CSMD1: variants seen among roughly 807,000 people sequenced by gnomAD.
CSMD1 encodes the protein CUB and Sushi multiple domains 1.
Under a neutral mutation model 417.5 loss-of-function variants are expected in CSMD1, and 213 were observed. The ratio of observed to expected loss-of-function variants is 0.51; its 90% CI spans 0.46 to 0.57. CSMD1 has a LOEUF of 0.57. CSMD1 is among the 20% of genes least tolerant of loss of function. CSMD1 has a pLI of 0.00. For missense variants in CSMD1, 6,923 were observed against 4,529.7 expected (o/e 1.53, Z -15.17); for synonymous variants, 2,862 against 1,736.8 (o/e 1.65, Z -16.11).
intron 5 of CSMD1, among the ~76,000 whole-genome samples, chr8:3,790,392 G>A (rs1799670731): frequency 6.6e-6 from 1 of 152,142 alleles, no homozygotes; most frequent in African/African-American, 2.4e-5. Flanking sequence ...TGATGGTGAT[G>A]TTTGACAGTT....
At chr8:4,160,467 C>A (rs1422682350) in intron 3 of CSMD1, among the ~76,000 whole-genome samples, 1 of 152,132 alleles carries the variant, frequency 6.6e-6, no homozygotes, top group East Asian at 1.9e-4. Flanking sequence ...AAGTGTTGGT[C>A]ATGTGTCTTC....
intron 5 of CSMD1, among the ~76,000 whole-genome samples, chr8:3,940,438 A>G (rs1352594168): frequency 6.6e-6 from 1 of 152,068 alleles, no homozygotes; most frequent in African/African-American, 2.4e-5. Flanking sequence ...GTAAAGAAGT[A>G]AAACATAAGC....
At chr8:4,833,662 G>T (rs556409673) in intron 1 of CSMD1, among the ~76,000 whole-genome samples, 1 of 152,330 alleles carries the variant, frequency 6.6e-6, no homozygotes, top group East Asian at 1.9e-4. Context: ...ACACTACGTA[G>T]AGTGTTGCCT....
At chr8:4,275,092 C>G (rs1042178129) in intron 3 of CSMD1, among the ~76,000 whole-genome samples, 9 of 152,100 alleles carry the variant, frequency 5.9e-5, no homozygotes, top group East Asian at 1.9e-4. Context: ...ATAAGAAAAA[C>G]AAATGAAAGC....
intron 5 of CSMD1, among the ~76,000 whole-genome samples, chr8:3,828,464 G>A (rs1004772051): frequency 2.6e-5 from 4 of 152,158 alleles, no homozygotes; most frequent in Non-Finnish European, 4.4e-5. Flanking sequence ...AAAAACCCAT[G>A]TGAATACAGA....
intron 3 of CSMD1, among the ~76,000 whole-genome samples, chr8:4,364,309 C>A (rs1441430503): frequency 1.3e-5 from 2 of 152,156 alleles, no homozygotes; most frequent in Non-Finnish European, 1.5e-5. Flanking sequence ...TTAAGGTCCT[C>A]TTGATAAGAC....
intron 1 of CSMD1, among the ~76,000 whole-genome samples, chr8:4,962,474 GCT>G (rs1309701482): frequency 1.3e-5 from 2 of 152,080 alleles, no homozygotes; most frequent in African/African-American, 4.8e-5. Flanking sequence ...GCCATCTAAA[GCT>G]CTGAGATTCC....
intron 2 of CSMD1, among the ~76,000 whole-genome samples, chr8:4,534,983 G>C (rs765366909): frequency 3.9e-5 from 6 of 151,930 alleles, no homozygotes; most frequent in Non-Finnish European, 7.4e-5. Context: ...GGATGGTCTC[G>C]ATTTCCTGAC....
At chr8:4,046,663 C>T (rs913179597) in intron 3 of CSMD1, among the ~76,000 whole-genome samples, 4 of 152,092 alleles carry the variant, frequency 2.6e-5, no homozygotes, top group Admixed American at 6.6e-5. Flanking sequence ...AGGATATACA[C>T]TGGGAATGTT....
At position 4,872,162 on chromosome 8, in the gene CSMD1, A is replaced by C. The variant is rs577541712; in HGVS notation, c.85+122170T>G. The stretch of plus-strand genomic sequence containing the variant: ...TATTGAATATGTAGCAAATGAATGC[A>C]AACTAAGGCACTCTGTGTTAGCCTG... On this transcript the variant is annotated intron_variant, in intron 1 of 69. Coordinates refer to ENST00000635120, the MANE Select transcript of CSMD1 (RefSeq NM_033225.6). Among the ~76,000 whole-genome samples the C allele has an allele frequency of 8.5e-5, 13 of 152,274 alleles. No homozygotes were observed. The East Asian group carries it at 2.5e-3, about 29-fold the overall frequency.
chr8:3,262,154 C>T (rs1028364497), intron 26 of CSMD1, among the ~76,000 whole-genome samples: 1 of 128,930 alleles, frequency 7.8e-6, no homozygotes, highest in Non-Finnish European at 1.6e-5. Flanking sequence ...TGAATGCAAA[C>T]CATTTTATTT....
chr8:4,525,614 G>T (rs1023275326), intron 2 of CSMD1, among the ~76,000 whole-genome samples: 6 of 152,062 alleles, frequency 3.9e-5, no homozygotes, highest in African/African-American at 1.4e-4. Context: ...TGAATTTGGT[G>T]CAAAAGTAAT....
intron 13 of CSMD1, 98 bp from the exon 14 acceptor site, chr8:3,408,323 C>T (rs11775235): frequency 0.51 from 401,440 of 794,468 alleles, 105,353 homozygotes; most frequent in Middle Eastern, 0.58. Context: ...CAATTCATGC[C>T]TGCAAATAGC....
At chr8:4,247,776 G>C (rs983941253) in intron 3 of CSMD1, among the ~76,000 whole-genome samples, 3 of 152,106 alleles carry the variant, frequency 2.0e-5, no homozygotes, top group African/African-American at 4.8e-5. Flanking sequence ...CTTTAAAATA[G>C]AATCTGAAAA....
intron 1 of CSMD1, among the ~76,000 whole-genome samples, chr8:4,959,677 T>G (rs1585410511): frequency 6.6e-6 from 1 of 152,374 alleles, no homozygotes; most frequent in Middle Eastern, 3.4e-3. Flanking sequence ...CTTGTCTAAC[T>G]TTGATCAAAA....
intron 10 of CSMD1, among the ~76,000 whole-genome samples, chr8:3,538,909 G>A (rs946643623): frequency 5.3e-5 from 8 of 152,160 alleles, no homozygotes; most frequent in African/African-American, 1.7e-4. Context: ...TACACACCAT[G>A]CTGCACACAG....
intron 3 of CSMD1, among the ~76,000 whole-genome samples, chr8:4,058,166 G>A (rs1464261289): frequency 5.3e-5 from 8 of 152,126 alleles, no homozygotes; most frequent in Non-Finnish European, 8.8e-5. Flanking sequence ...CTACCCATGA[G>A]CATGGAATGT....
intron 55 of CSMD1, among the ~76,000 whole-genome samples, chr8:2,977,264 C>G (rs776042236): frequency 2.0e-4 from 30 of 152,142 alleles, no homozygotes; most frequent in Non-Finnish European, 4.4e-4. Flanking sequence ...TCTCCCTCCC[C>G]CTACCCTACT....
intron 4 of CSMD1, among the ~76,000 whole-genome samples, chr8:4,014,197 T>C (rs1317066619): frequency 2.0e-5 from 3 of 152,126 alleles, no homozygotes; most frequent in African/African-American, 7.2e-5. Flanking sequence ...TTGCAAAGCA[T>C]AAACAACATT....
Sources: gnomAD v4.1 joint callset for allele counts (sites outside exome capture counted in the v4.1 genomes callset) on GRCh38, gnomAD v4.1.1 for gene constraint, MANE v1.5 for transcripts, NCBI Gene and HGNC (gene_info 2026-07-23, HGNC 2026-07-21) for gene names.